Variants in BMPER observed in about 807,000 individuals in gnomAD.
The protein encoded by BMPER is BMP binding endothelial regulator.
BMPER carries 45 observed loss-of-function variants against 87.3 expected under a neutral mutation model. That is an observed-to-expected ratio of 0.52 (90% CI 0.41 to 0.66). The LOEUF (loss-of-function observed/expected upper bound fraction) is 0.66, where lower values mean the gene tolerates loss of function less well. Among genes scored for constraint, BMPER ranks in the 30% least tolerant of loss-of-function variants. BMPER has a pLI of 0.00. For synonymous variants in BMPER, 326 were observed against 316.2 expected (o/e 1.03, Z -0.33); for missense variants, 784 against 867.5 (o/e 0.90, Z 1.21).
At chr7:33,976,778 T>A (rs1785698097) in intron 6 of BMPER, among the ~76,000 whole-genome samples, 1 of 152,272 alleles carries the variant, frequency 6.6e-6, no homozygotes, top group Non-Finnish European at 1.5e-5. Context: ...CCAGCCAGAG[T>A]TATCCAGTGC....
At chr7:34,087,657 C>T (rs765104478) in intron 13 of BMPER, among the ~76,000 whole-genome samples, 1 of 152,156 alleles carries the variant, frequency 6.6e-6, no homozygotes, top group Non-Finnish European at 1.5e-5. Context: ...TCATTTCTTC[C>T]GTGATTAATT....
chr7:34,103,101 A>G (rs1789725607), intron 13 of BMPER, among the ~76,000 whole-genome samples: 1 of 152,194 alleles, frequency 6.6e-6, no homozygotes, highest in Non-Finnish European at 1.5e-5. Context: ...GTGGAAGGGC[A>G]GATACAAGGC....
At chr7:33,994,407 C>G (rs1447488366) in intron 6 of BMPER, among the ~76,000 whole-genome samples, 1 of 152,208 alleles carries the variant, frequency 6.6e-6, no homozygotes, top group Non-Finnish European at 1.5e-5. Context: ...TCACCCCTTT[C>G]TTTGACTCAG....
At chr7:34,114,904 T>C (rs1457164235) in intron 13 of BMPER, among the ~76,000 whole-genome samples, 3 of 152,242 alleles carry the variant, frequency 2.0e-5, no homozygotes, top group Non-Finnish European at 2.9e-5. Context: ...GGCCAGATGT[T>C]GCAGGCCACC....
chr7:34,097,467 GT>G (rs1789558755), intron 13 of BMPER, among the ~76,000 whole-genome samples: 1 of 152,216 alleles, frequency 6.6e-6, no homozygotes, highest in Admixed American at 6.5e-5. Context: ...CAGGGGTTTA[GT>G]AAAGCTCAGG....
chr7:34,011,625 A>G (rs1180347391), intron 6 of BMPER, among the ~76,000 whole-genome samples: 2 of 151,344 alleles, frequency 1.3e-5, no homozygotes, highest in African/African-American at 4.8e-5. Flanking sequence ...GAAAGAAAAA[A>G]GAAACAAAGA....
chr7:34,139,783 A>G (rs2127993721), intron 13 of BMPER, among the ~76,000 whole-genome samples: 1 of 152,266 alleles, frequency 6.6e-6, no homozygotes, highest in East Asian at 1.9e-4. Flanking sequence ...ACTTCATTGT[A>G]ATGGCTGTAG....
intron 13 of BMPER, among the ~76,000 whole-genome samples, chr7:34,121,726 C>T (rs1790267633): frequency 6.6e-6 from 1 of 152,162 alleles, no homozygotes; most frequent in African/African-American, 2.4e-5. Flanking sequence ...AAGGAAAAAG[C>T]CTTCTCCTCT....
intron 6 of BMPER, among the ~76,000 whole-genome samples, chr7:34,002,942 C>G (rs1786623118): frequency 6.6e-6 from 1 of 150,812 alleles, no homozygotes; most frequent in East Asian, 1.9e-4. Flanking sequence ...TAGTTTTATC[C>G]TGCTTTAAAA....
chr7:34,128,918 T>A (rs1334905946), intron 13 of BMPER, among the ~76,000 whole-genome samples: 1 of 152,168 alleles, frequency 6.6e-6, no homozygotes, highest in Non-Finnish European at 1.5e-5. Flanking sequence ...GGAGTAGATA[T>A]TCCCTAAGGT....
At chr7:34,057,587 C>T (rs937560731) in intron 9 of BMPER, among the ~76,000 whole-genome samples, 4 of 152,106 alleles carry the variant, frequency 2.6e-5, no homozygotes, top group African/African-American at 9.7e-5. Context: ...CCTGTATGGG[C>T]CAGAACCATG....
At position 34,055,237 on chromosome 7, in the gene BMPER, A is replaced by G; in HGVS notation, c.861A>G (p.Glu287=). Residue 287 remains glutamate, a synonymous_variant, in exon 9 of 15, where the codon GAA becomes GAG. Transcript: ENST00000649409. Reference sequence around the variant, plus strand: ...ACCAAGGCCAGGAGGGCTGTTGTGAAGAGTGCCTCCTACGAGTGCCCCCAG... The same window carrying G: ...ACCAAGGCCAGGAGGGCTGTTGTGAGGAGTGCCTCCTACGAGTGCCCCCAG... ...GCDQGQEGCC[E]ECLLRVPPED... The G allele has an allele frequency of 6.2e-7, 1 of 1,614,178 alleles. No individual in the cohort carries two copies. Among genetic ancestry groups the G allele is most frequent in the Non-Finnish European group, 8.5e-7 (1 of 1,180,032 alleles).
At chr7:33,954,573 G>A (rs1246556678) in intron 3 of BMPER, among the ~76,000 whole-genome samples, 1 of 152,212 alleles carries the variant, frequency 6.6e-6, no homozygotes, top group Non-Finnish European at 1.5e-5. Flanking sequence ...GCACACCACT[G>A]ACTACAAGCC....
At chr7:34,065,428 A>AT (rs780924577) in intron 11 of BMPER, among the ~76,000 whole-genome samples, 1 of 152,264 alleles carries the variant, frequency 6.6e-6, no homozygotes, top group Non-Finnish European at 1.5e-5. Context: ...ACAATCAAAA[A>AT]TATCTCCAGA....
intron 11 of BMPER, 120 bp downstream of exon 11, chr7:34,062,167 G>A: frequency 1.1e-6 from 1 of 906,684 alleles, no homozygotes; most frequent in Non-Finnish European, 1.7e-6. Flanking sequence ...TATAGGATGG[G>A]ATCATCTCAC....
intron 6 of BMPER, among the ~76,000 whole-genome samples, chr7:33,979,013 G>A (rs1385425064): frequency 1.3e-5 from 2 of 152,064 alleles, no homozygotes; most frequent in Non-Finnish European, 2.9e-5. Flanking sequence ...GTGGGCATGT[G>A]CACACACCCA....
chr7:33,993,399 G>A (rs1462057883), intron 6 of BMPER, among the ~76,000 whole-genome samples: 166 of 152,172 alleles, frequency 1.1e-3, no homozygotes, highest in African/African-American at 3.9e-3. Flanking sequence ...CTTTCTTCCA[G>A]TTGATCACAT....
rs1786113592 is a variant in BMPER, at chr7:33,989,141, T to C, written c.576+14357T>C. Among the ~76,000 whole-genome samples the C allele has an allele frequency of 2.2e-5, 3 of 135,180 alleles. No individual in the cohort carries two copies. The Admixed American group carries it at 2.3e-4, about 11-fold the overall frequency. 88.7% of individuals were successfully genotyped at this position (135,180 alleles called of 152,430 possible). A position where few individuals can be genotyped will look rare whatever the true frequency, so the allele number is the denominator to read the frequency against. On this transcript the variant is annotated intron_variant, in intron 6 of 14. Coordinates refer to ENST00000649409, the MANE Select transcript of BMPER (RefSeq NM_001365308.1). The stretch of plus-strand genomic sequence containing the variant: ...TTTGGGTATATACCCAGTAATGGGA[T>C]GGCTGGGTCAAATGGTATTTCTAGT...
chr7:34,104,894 A>C (rs1336167001), intron 13 of BMPER, among the ~76,000 whole-genome samples: 5 of 152,178 alleles, frequency 3.3e-5, no homozygotes, highest in Admixed American at 3.3e-4. Flanking sequence ...TGAGGAAGGG[A>C]AAGTGGAAGA....
Sources: gnomAD v4.1 joint callset for allele counts (sites outside exome capture counted in the v4.1 genomes callset) on GRCh38, gnomAD v4.1.1 for gene constraint, MANE v1.5 for transcripts, NCBI Gene and HGNC (gene_info 2026-07-23, HGNC 2026-07-21) for gene names.